IFT20: variants seen among roughly 807,000 people sequenced by gnomAD.
The protein encoded by IFT20 is intraflagellar transport 20.
IFT20 carries 4 observed loss-of-function variants against 16.9 expected under a neutral mutation model. The ratio of observed to expected loss-of-function variants is 0.24; its 90% CI spans 0.12 to 0.54. The LOEUF (loss-of-function observed/expected upper bound fraction) is 0.54, where lower values mean the gene tolerates loss of function less well. IFT20 is among the 20% of genes least tolerant of loss of function. The pLI is 0.95. For missense variants in IFT20, 154 were observed against 149.7 expected, an observed-to-expected ratio of 1.03 and a Z score of -0.15; for synonymous variants, 48 against 49.9, an observed-to-expected ratio of 0.96 and a Z score of 0.16.
At chr17:28,333,390 T>A (rs782423082) in intron 1 of IFT20, among the ~76,000 whole-genome samples, 2 of 152,258 alleles carry the variant, frequency 1.3e-5, no homozygotes, top group Non-Finnish European at 2.9e-5. Flanking sequence ...CAAGTCTCAC[T>A]GTTTCCAGAA....
chr17:28,329,920 C>T lies in IFT20; in HGVS notation c.213+523G>A. 3 of 350,886 alleles carry T rather than the reference C, an allele frequency of 8.5e-6. No individual in the cohort carries two copies. The East Asian group carries it at 1.3e-4, about 16-fold the overall frequency. 21.7% of individuals were successfully genotyped at this position (350,886 alleles called of 1,614,324 possible). On this transcript the variant is annotated intron_variant, in intron 3 of 4. Transcript: ENST00000395418. The stretch of plus-strand genomic sequence containing the variant: ...TACTAAAAATACAAAATTAGCCAGG[C>T]ATGGTGGCACATGCCTGTAATCCCA...
At chr17:28,330,059 CAAA>C (rs782275350) in intron 3 of IFT20, 2,168 of 398,306 alleles carry the variant, frequency 5.4e-3, no homozygotes, top group South Asian at 0.014. Context: ...AACTCCGTCT[CAAA>C]AAAAAAAAAA....
intron 3 of IFT20, chr17:28,329,867 C>T (rs1048066191): frequency 4.0e-6 from 1 of 248,026 alleles, no homozygotes. Flanking sequence ...TTGAGACCAG[C>T]CTGACCAACA....
At chr17:28,332,175 T>G (rs529898025) in intron 1 of IFT20, 188 bp from the exon 2 acceptor site, 1 of 1,538,808 alleles carries the variant, frequency 6.5e-7, no homozygotes, top group South Asian at 1.2e-5. Flanking sequence ...CCTAGAGGAG[T>G]TCTGCTCTGA....
chr17:28,328,848 G>C lies in IFT20; in HGVS notation c.318-115C>G, dbSNP rs1906515071. 4 of 754,664 alleles carry C rather than the reference G, an allele frequency of 5.3e-6. No homozygotes were observed. In the African/African-American group the frequency reaches 7.1e-5, roughly 13 times the overall value. 46.7% of individuals were successfully genotyped at this position (754,664 alleles called of 1,614,324 possible). A position where few individuals can be genotyped will look rare whatever the true frequency, so the allele number is the denominator to read the frequency against. ...GATTTCAAGAAATGGTGTGAGTTCAGAATGAAGAAAGAAAGAGGCAAAGCC... is the reference window on the plus strand; with the variant it reads ...GATTTCAAGAAATGGTGTGAGTTCACAATGAAGAAAGAAAGAGGCAAAGCC... On this transcript the variant is annotated intron_variant, in intron 4 of 4. Coordinates refer to ENST00000395418, the MANE Select transcript of IFT20 (RefSeq NM_001267776.2).
intron 1 of IFT20, among the ~76,000 whole-genome samples, chr17:28,333,081 A>ACACACG (rs1476965092): frequency 1.5e-4 from 21 of 142,890 alleles, no homozygotes; most frequent in African/African-American, 5.6e-4. Context: ...AAACACACAC[A>ACACACG]CACACACACA....
intron 3 of IFT20, chr17:28,330,175 G>A (rs1203222347): frequency 7.0e-5 from 44 of 626,426 alleles, no homozygotes; most frequent in Non-Finnish European, 1.2e-4. Context: ...GGCAGAGCTT[G>A]CAGTGAGCCG....
intron 3 of IFT20, 115 bp from the exon 4 acceptor site, chr17:28,329,391 G>A: frequency 1.3e-6 from 1 of 779,570 alleles, no homozygotes; most frequent in Non-Finnish European, 2.1e-6. Flanking sequence ...GGAAAAGAAA[G>A]TGGAGCCCCA....
intron 2 of IFT20, 56 bp from the exon 3 acceptor site, chr17:28,330,584 G>A (rs1010669632): frequency 1.1e-5 from 13 of 1,178,758 alleles, no homozygotes; most frequent in Middle Eastern, 1.9e-4. Flanking sequence ...ACTCCCCTTC[G>A]GTAGAGTGCT....
At chr17:28,332,230 G>A in intron 1 of IFT20, 1 of 1,535,402 alleles carries the variant, frequency 6.5e-7, no homozygotes, top group Non-Finnish European at 8.7e-7. Flanking sequence ...ATAGGAGCAA[G>A]GGTCAGGAAA....
In IFT20 at chr17:28,328,810, T is replaced by C. The variant is rs1227140809; in HGVS notation, c.318-77A>G. On this transcript the variant is annotated intron_variant, in intron 4 of 4. Transcript: ENST00000395418. ...GACCTAATTCTTCTAGAGAAGGATATAGAGGTTTAAATGATTTCAAGAAAT... is the reference window on the plus strand; with the variant it reads ...GACCTAATTCTTCTAGAGAAGGATACAGAGGTTTAAATGATTTCAAGAAAT... 8.9e-6 allele frequency: 8 copies of C among 894,474 alleles called. No homozygotes were observed. In the East Asian group the frequency reaches 1.2e-4, roughly 13 times the overall value. The allele number at this position is 894,474 out of a possible 1,614,324, so 55.4% of individuals were successfully genotyped here. A position where few individuals can be genotyped will look rare whatever the true frequency, so the allele number is the denominator to read the frequency against.
intron 2 of IFT20, chr17:28,331,656 T>G: frequency 1.1e-5 from 6 of 553,692 alleles, no homozygotes; most frequent in East Asian, 3.0e-5. Context: ...CCCATCCCGG[T>G]GTTTGGTTTG....
rs548594341 is a variant in IFT20, at chr17:28,330,342, A to G, written c.213+101T>C. On this transcript the variant is annotated intron_variant, in intron 3 of 4. Coordinates refer to ENST00000395418, the MANE Select transcript of IFT20 (RefSeq NM_001267776.2). ...ATCTTAAATAAAAATTCACCCACCC[A>G]GCCCTCTACCCCTCTAAATAAATCA... 1.4e-5 allele frequency: 12 copies of G among 829,472 alleles called. No homozygotes were observed. In the African/African-American group the frequency reaches 2.0e-4, roughly 14 times the overall value. 51.4% of individuals were successfully genotyped at this position (829,472 alleles called of 1,614,324 possible). A position where few individuals can be genotyped will look rare whatever the true frequency, so the allele number is the denominator to read the frequency against.
At position 28,335,428 on chromosome 17, in the gene IFT20, A is replaced by AGCCT. The variant is rs1489056285; in HGVS notation, c.-95_-92dup. ...GGTCAGCGACAGCCGGTACCCAGCC[A>AGCCT]GCCTGCCACGGCCGCTGCCACGGAT... On this transcript the variant is annotated 5_prime_UTR_variant, in exon 1 of 5. Coordinates refer to ENST00000395418, the MANE Select transcript of IFT20 (RefSeq NM_001267776.2). 6.6e-6 allele frequency: 1 copy of AGCCT among 152,314 alleles called. No individual in the cohort carries two copies. Among genetic ancestry groups the AGCCT allele is most frequent in the African/African-American group, 2.4e-5 (1 of 41,432 alleles). The allele number at this position is 152,314 out of a possible 1,614,324, so 9.4% of individuals were successfully genotyped here.
intron 1 of IFT20, among the ~76,000 whole-genome samples, chr17:28,334,833 G>A (rs1475316555): frequency 1.3e-5 from 2 of 152,204 alleles, no homozygotes; most frequent in African/African-American, 4.8e-5. Flanking sequence ...GGGGGTTTGG[G>A]GATAAGAGAA....
At position 28,329,163 on chromosome 17, in the gene IFT20, G is replaced by A. The variant is rs782225009; in HGVS notation, c.317+10C>T. 4 of 1,596,378 alleles carry A rather than the reference G, an allele frequency of 2.5e-6. No homozygotes were observed. The highest frequency in any genetic ancestry group is 3.4e-6 in the Non-Finnish European group (4 of 1,164,472). ...GTGTAAAGAACTTGCTTTACATCAT[G>A]ACTTCTTACCTTTCTAGCTGCATTT... On this transcript the variant is annotated intron_variant, in intron 4 of 4. Coordinates refer to ENST00000395418, the MANE Select transcript of IFT20 (RefSeq NM_001267776.2).
At chr17:28,333,335 G>A (rs1322736471) in intron 1 of IFT20, among the ~76,000 whole-genome samples, 1 of 152,216 alleles carries the variant, frequency 6.6e-6, no homozygotes, top group East Asian at 1.9e-4. Flanking sequence ...GGGGTTGGCT[G>A]TCCAGGGCAG....
Position 28,330,525 on chromosome 17 carries a change from A to G in IFT20, c.131T>C (p.Ile44Thr), listed in dbSNP as rs1906704298. 6.2e-7 allele frequency: 1 copy of G among 1,605,924 alleles called. No homozygotes were observed. The highest frequency in any genetic ancestry group is 8.5e-7 in the Non-Finnish European group (1 of 1,172,542). Residue 44 changes from isoleucine (I) to threonine (T), a missense_variant, in exon 3 of 5, where the codon ATT becomes ACT. Transcript: ENST00000395418. ...KEECKDFVDK[I>T]GQFQKIVGGL... ...ACCAACTATTTTCTGAAACTGGCCAATTTCTTTTAGGAAAAGAACAAAAAA... is the reference window on the plus strand; with the variant it reads ...ACCAACTATTTTCTGAAACTGGCCAGTTTCTTTTAGGAAAAGAACAAAAAA...
At position 28,331,636 on chromosome 17, in the gene IFT20, C is replaced by T; in HGVS notation, c.127+223G>A. On this transcript the variant is annotated intron_variant, in intron 2 of 4. Coordinates refer to ENST00000395418, the MANE Select transcript of IFT20 (RefSeq NM_001267776.2). Reference sequence around the variant, plus strand: ...ATGAAAGATGGCATATCTAAAGACACCCTCCCCTCCCCATCCCGGTGTTTG... The same window carrying T: ...ATGAAAGATGGCATATCTAAAGACATCCTCCCCTCCCCATCCCGGTGTTTG... 4 of 531,176 alleles carry T rather than the reference C, an allele frequency of 7.5e-6. No homozygotes were observed. In the East Asian group the frequency reaches 1.2e-4, roughly 16 times the overall value. 32.9% of individuals were successfully genotyped at this position (531,176 alleles called of 1,614,324 possible).
Sources: gnomAD v4.1 joint callset for allele counts (sites outside exome capture counted in the v4.1 genomes callset) on GRCh38, gnomAD v4.1.1 for gene constraint, MANE v1.5 for transcripts, NCBI Gene and HGNC (gene_info 2026-07-23, HGNC 2026-07-21) for gene names.